SPATA6L: variants seen among roughly 807,000 people sequenced by gnomAD.
The protein encoded by SPATA6L is spermatogenesis associated 6-like protein.
In SPATA6L, 68 loss-of-function variants were observed where a neutral mutation model predicts 49.2. The observed-to-expected ratio is 1.38, with a 90% CI of 1.14 to 1.69. The LOEUF (loss-of-function observed/expected upper bound fraction) is 1.69. SPATA6L is among the 40% of genes most tolerant of loss of function. SPATA6L has a pLI of 0.00. For missense variants in SPATA6L, 668 were observed against 464.3 expected, an observed-to-expected ratio of 1.44 and a Z score of -4.03; for synonymous variants, 198 against 165.7, an observed-to-expected ratio of 1.19 and a Z score of -1.50.
At chr9:4,639,589 C>G (rs1415945804) in intron 3 of SPATA6L, among the ~76,000 whole-genome samples, 1 of 152,158 alleles carries the variant, frequency 6.6e-6, no homozygotes, top group Non-Finnish European at 1.5e-5. Flanking sequence ...GAGGATGGTA[C>G]AGCAAGAGCC....
intron 5 of SPATA6L, chr9:4,626,643 C>T: frequency 9.1e-7 from 1 of 1,094,918 alleles, no homozygotes; most frequent in African/African-American, 1.6e-5. Flanking sequence ...CCCTGTTTAG[C>T]CATTTTTAAA....
downstream of SPATA6L, among the ~76,000 whole-genome samples, chr9:4,598,165 G>T (rs1281186541): frequency 2.0e-5 from 3 of 151,978 alleles, no homozygotes; most frequent in African/African-American, 7.3e-5. Flanking sequence ...TTTGTTTGGA[G>T]GGCCTAGGTT....
intron 3 of SPATA6L, 31 bp downstream of exon 3, chr9:4,656,010 G>C (rs1327015873): frequency 2.7e-5 from 43 of 1,566,826 alleles, no homozygotes; most frequent in Non-Finnish European, 3.6e-5. Context: ...ATAGTCTTTT[G>C]GTTTTTTGTT....
Position 4,625,462 on chromosome 9 carries a change from C to A in SPATA6L, c.534G>T (p.Leu178=). 1.2e-6 allele frequency: 2 copies of A among 1,614,018 alleles called. No homozygotes were observed. Among genetic ancestry groups the A allele is most frequent in the Non-Finnish European group, 1.7e-6 (2 of 1,179,980 alleles). Residue 178 remains leucine (L), a synonymous_variant, in exon 6 of 12, where the codon CTG becomes CTT. Transcript: ENST00000682582. ...GCGCCCGGGCTTGCATGCCTTTGGG[C>A]AGTCTGTTGAGATTATTCTCCTTTA... ...MKLKENNLNR[L]PKGMQARAPS... is the part of the protein sequence containing the mutation.
At chr9:4,655,971 C>A in intron 3 of SPATA6L, 70 bp downstream of exon 3, 1 of 1,168,656 alleles carries the variant, frequency 8.6e-7, no homozygotes, top group South Asian at 1.3e-5. Context: ...TAGAAAAGAG[C>A]AGAGTTTTGA....
downstream of SPATA6L, among the ~76,000 whole-genome samples, chr9:4,595,790 T>C (rs970033578): frequency 7.9e-5 from 12 of 152,226 alleles, no homozygotes; most frequent in African/African-American, 2.9e-4. Flanking sequence ...TTAATCAATA[T>C]GAGACGATTA....
At chr9:4,622,294 G>T in intron 7 of SPATA6L, 114 bp downstream of exon 7, 2 of 683,464 alleles carry the variant, frequency 2.9e-6, no homozygotes. Context: ...GAGTACTTGA[G>T]AATTAGGCTC....
At chr9:4,648,554 G>C (rs541194321) in intron 3 of SPATA6L, among the ~76,000 whole-genome samples, 1 of 151,810 alleles carries the variant, frequency 6.6e-6, no homozygotes, top group South Asian at 2.1e-4. Flanking sequence ...CAAAAAATTA[G>C]CCGGGCGTGG....
intron 4 of SPATA6L, 67 bp downstream of exon 4, chr9:4,635,208 G>A: frequency 7.0e-7 from 1 of 1,435,292 alleles, no homozygotes; most frequent in Non-Finnish European, 9.1e-7. Flanking sequence ...ACCCTGTCAG[G>A]AATAAAACGT....
At chr9:4,619,716 A>T (rs965192926) in intron 7 of SPATA6L, among the ~76,000 whole-genome samples, 9 of 152,164 alleles carry the variant, frequency 5.9e-5, no homozygotes, top group Admixed American at 5.2e-4. Context: ...AAATTGAGAC[A>T]ACAAATATGT....
At chr9:4,626,367 A>G in intron 5 of SPATA6L, 1 of 1,278,868 alleles carries the variant, frequency 7.8e-7, no homozygotes, top group East Asian at 5.6e-5. Flanking sequence ...CTCCTGTGGC[A>G]CCAGCAGTGA....
intron 2 of SPATA6L, among the ~76,000 whole-genome samples, chr9:4,657,909 G>C (rs1167587764): frequency 6.6e-6 from 1 of 152,082 alleles, no homozygotes; most frequent in Non-Finnish European, 1.5e-5. Context: ...GCTTACCTAG[G>C]AATTTAAAGC....
chr9:4,649,124 T>C (rs910971986), intron 3 of SPATA6L, among the ~76,000 whole-genome samples: 1 of 152,092 alleles, frequency 6.6e-6, no homozygotes, highest in African/African-American at 2.4e-5. Flanking sequence ...CACTCGTTGA[T>C]TGATGGGCAT....
chr9:4,641,009 T>C (rs1465253379), intron 3 of SPATA6L, among the ~76,000 whole-genome samples: 1 of 152,158 alleles, frequency 6.6e-6, no homozygotes, highest in African/African-American at 2.4e-5. Flanking sequence ...CTCCAAGACA[T>C]ATTAAGTTTT....
At chr9:4,635,504 T>C (rs996605323) in intron 3 of SPATA6L, 105 bp from the exon 4 acceptor site, 76 of 1,106,076 alleles carry the variant, frequency 6.9e-5, no homozygotes, top group Non-Finnish European at 9.1e-5. Flanking sequence ...CAGGTAAAAA[T>C]AGACATATTG....
chr9:4,590,276 T>C (rs1309970263), intron 13 of SPATA6L, among the ~76,000 whole-genome samples: 1 of 152,132 alleles, frequency 6.6e-6, no homozygotes, highest in Non-Finnish European at 1.5e-5. Flanking sequence ...CCTAAGTGTA[T>C]AAAGTTATCC....
At chr9:4,591,007 G>A (rs185275039) in intron 13 of SPATA6L, among the ~76,000 whole-genome samples, 1 of 152,324 alleles carries the variant, frequency 6.6e-6, no homozygotes, top group Admixed American at 6.5e-5. Context: ...GCATTTCAGG[G>A]TCAAGGGTCT....
chr9:4,666,077 A>C, intron 1 of SPATA6L, 135 bp downstream of exon 1: 1 of 797,802 alleles, frequency 1.3e-6, no homozygotes, highest in Non-Finnish European at 2.2e-6. Flanking sequence ...GAAAAAGACA[A>C]AGGTGCGATC....
At chr9:4,625,721 T>A (rs2130456052) in intron 5 of SPATA6L, 155 bp from the exon 6 acceptor site, 1 of 512,922 alleles carries the variant, frequency 1.9e-6, no homozygotes, top group Admixed American at 3.9e-5. Context: ...AGGACATTTC[T>A]CTAATTTTTT....
Sources: gnomAD v4.1 joint callset for allele counts (sites outside exome capture counted in the v4.1 genomes callset) on GRCh38, gnomAD v4.1.1 for gene constraint, MANE v1.5 for transcripts, NCBI Gene and HGNC (gene_info 2026-07-23, HGNC 2026-07-21) for gene names.